Variants in SLC26A8 observed in about 807,000 individuals in gnomAD.
SLC26A8 encodes the protein testis anion transporter 1.
In SLC26A8, 70 loss-of-function variants were observed where a neutral mutation model predicts 105.0. The observed-to-expected ratio is 0.67, with a 90% CI of 0.55 to 0.81. The LOEUF (loss-of-function observed/expected upper bound fraction) is 0.81, where lower values mean the gene tolerates loss of function less well. Ranked by LOEUF, SLC26A8 falls within the 40% of genes least tolerant of loss-of-function variation. SLC26A8 has a pLI of 0.00. For missense variants in SLC26A8, 998 were observed against 1,181.8 expected (o/e 0.84, Z 2.28); for synonymous variants, 415 against 438.3 (o/e 0.95, Z 0.66).
At chr6:35,977,815 T>G (rs1459770611) in intron 8 of SLC26A8, among the ~76,000 whole-genome samples, 1 of 152,130 alleles carries the variant, frequency 6.6e-6, no homozygotes, top group Non-Finnish European at 1.5e-5. Flanking sequence ...CTGGGTGCGG[T>G]GGCTCACGCC....
In SLC26A8 at chr6:35,951,037, C is replaced by G. The variant is rs1275231827; in HGVS notation, c.2472+126G>C. On this transcript the variant is annotated intron_variant, in intron 19 of 19. Coordinates refer to ENST00000490799, the MANE Select transcript of SLC26A8 (RefSeq NM_052961.4). ...ATTCTGGTACAGCCATACTAAATAC[C>G]TTTCCTGGACATTATTCCTCTATCT... is the stretch of plus-strand genomic sequence containing the variant. 4.2e-6 allele frequency: 4 copies of G among 947,308 alleles called. No homozygotes were observed. The African/African-American group carries it at 4.9e-5, about 12-fold the overall frequency. 58.7% of individuals were successfully genotyped at this position (947,308 alleles called of 1,614,324 possible).
chr6:36,004,354 G>A (rs2127361456), intron 3 of SLC26A8, among the ~76,000 whole-genome samples: 1 of 152,204 alleles, frequency 6.6e-6, no homozygotes, highest in South Asian at 2.1e-4. Flanking sequence ...AGGATTATAG[G>A]CATGAGCCAT....
chr6:35,983,255 A>G (rs1164081755), intron 7 of SLC26A8, among the ~76,000 whole-genome samples: 1 of 152,204 alleles, frequency 6.6e-6, no homozygotes, highest in Non-Finnish European at 1.5e-5. Flanking sequence ...CTTGGTTTTT[A>G]TATAATTAAG....
chr6:35,948,418 G>A (rs1488573274), intron 19 of SLC26A8, among the ~76,000 whole-genome samples: 2 of 151,976 alleles, frequency 1.3e-5, no homozygotes, highest in East Asian at 1.9e-4. Context: ...GTGAAACCTC[G>A]TCTCAAATAA....
intron 1 of SLC26A8, among the ~76,000 whole-genome samples, chr6:36,022,831 G>A (rs1000490034): frequency 7.9e-5 from 12 of 151,402 alleles, no homozygotes; most frequent in African/African-American, 2.7e-4. Flanking sequence ...GTACTAGCAG[G>A]ACACTTCCCA....
At position 35,955,602 on chromosome 6, in the gene SLC26A8, T is replaced by C. The variant is rs554925770; in HGVS notation, c.1864-82A>G. 5.0e-4 allele frequency: 765 copies of C among 1,522,698 alleles called. 1 individual carries two copies. The highest frequency in any genetic ancestry group is 1.1e-3 in the South Asian group (87 of 79,534). 94.3% of individuals were successfully genotyped at this position (1,522,698 alleles called of 1,614,324 possible). A position where few individuals can be genotyped will look rare whatever the true frequency, so the allele number is the denominator to read the frequency against. On this transcript the variant is annotated intron_variant, in intron 16 of 19. Coordinates refer to ENST00000490799, the MANE Select transcript of SLC26A8 (RefSeq NM_052961.4). ...ACTTGCAACGATGCTATTTCTTGTC[T>C]CTGCCAGCTCATGTCCCTCTCTCAT...
At chr6:36,019,428 T>G (rs1762072167) in intron 2 of SLC26A8, 92 bp downstream of exon 2, 1 of 1,331,584 alleles carries the variant, frequency 7.5e-7, no homozygotes, top group Non-Finnish European at 1.0e-6. Flanking sequence ...TTACAGGAAC[T>G]CAGACAAGAA....
In SLC26A8 at chr6:35,955,353, A is replaced by G. The variant is rs758016136; in HGVS notation, c.2031T>C (p.Tyr677=). ...GAAGCCAAACTTCCTCCACCTCCTC[A>G]TACTGTTGCCCTTGATTTTTCTGAG... The part of the protein sequence containing the change: ...SVSQKNQGQQ[Y]EEVEEVWLPN... The change falls in exon 17 of 20, where the codon TAT becomes TAC. Residue 677 remains tyrosine, a synonymous_variant. Coordinates refer to ENST00000490799, the MANE Select transcript of SLC26A8 (RefSeq NM_052961.4). 4.9e-5 allele frequency: 79 copies of G among 1,614,080 alleles called. No homozygotes were observed. The highest frequency in any genetic ancestry group is 6.4e-5 in the Non-Finnish European group (76 of 1,180,042).
intron 16 of SLC26A8, among the ~76,000 whole-genome samples, chr6:35,958,646 C>A (rs1772189848): frequency 6.6e-6 from 1 of 152,070 alleles, no homozygotes. Context: ...AACCTATGCT[C>A]CATTAGAATG....
At chr6:35,977,414 T>A in intron 8 of SLC26A8, 63 bp from the exon 9 acceptor site, 1 of 1,510,148 alleles carries the variant, frequency 6.6e-7, no homozygotes, top group Non-Finnish European at 9.0e-7. Flanking sequence ...CCTCCGCCAC[T>A]CTATTCTAAC....
intron 11 of SLC26A8, among the ~76,000 whole-genome samples, chr6:35,967,083 G>A (rs1772547283): frequency 6.6e-6 from 1 of 152,220 alleles, no homozygotes; most frequent in African/African-American, 2.4e-5. Flanking sequence ...GAATTCTGGA[G>A]ATTACCTCTA....
In SLC26A8 at chr6:35,992,814, C is replaced by G. The variant is rs188378609; in HGVS notation, c.628-140G>C. 1,027 of 827,140 alleles carry G rather than the reference C, an allele frequency of 1.2e-3. 3 individuals are homozygous for G. Among genetic ancestry groups the G allele is most frequent in the Non-Finnish European group, 1.3e-3 (699 of 554,978 alleles). The allele number at this position is 827,140 out of a possible 1,614,324, so 51.2% of individuals were successfully genotyped here. On this transcript the variant is annotated intron_variant, in intron 5 of 19. Transcript: ENST00000490799. ...TGGTAACTCTTGTAACTCTCTTTCC[C>G]TAATGAACAGAAGTTGATAACACGG...
intron 11 of SLC26A8, among the ~76,000 whole-genome samples, chr6:35,965,094 T>C (rs1772456284): frequency 6.6e-6 from 1 of 152,112 alleles, no homozygotes; most frequent in Non-Finnish European, 1.5e-5. Flanking sequence ...ATATATTAAA[T>C]AACAAGAATA....
At chr6:35,987,153 G>A (rs1196230259) in intron 7 of SLC26A8, among the ~76,000 whole-genome samples, 4 of 152,192 alleles carry the variant, frequency 2.6e-5, no homozygotes, top group Admixed American at 2.0e-4. Flanking sequence ...TTAGTCTAAA[G>A]TCCCAAGGCA....
At chr6:35,965,933 G>GTGAGC (rs1199587502) in intron 11 of SLC26A8, among the ~76,000 whole-genome samples, 9 of 150,320 alleles carry the variant, frequency 6.0e-5, no homozygotes, top group East Asian at 2.0e-4. Flanking sequence ...AGAGGTTGAA[G>GTGAGC]TGAGCTGAGC....
In SLC26A8 at chr6:35,950,088, C is replaced by T. The variant is rs144088877; in HGVS notation, c.2472+1075G>A. Among the ~76,000 whole-genome samples, 252 of 152,220 alleles carry T rather than the reference C, an allele frequency of 1.7e-3. 5 individuals carry two copies. The South Asian group carries it at 0.024, about 15-fold the overall frequency. On this transcript the variant is annotated intron_variant, in intron 19 of 19. Coordinates refer to ENST00000490799, the MANE Select transcript of SLC26A8 (RefSeq NM_052961.4). ...CTGGGATTACAGGCGTGAGCCATCT[C>T]GCCCGCCCGTTGTACGGTCTTAACT...
chr6:35,948,804 G>T (rs1771762282), intron 19 of SLC26A8, among the ~76,000 whole-genome samples: 1 of 152,162 alleles, frequency 6.6e-6, no homozygotes, highest in Non-Finnish European at 1.5e-5. Flanking sequence ...CATTGTGGTG[G>T]TATTAAGAGG....
At chr6:35,965,590 G>A (rs192220681) in intron 11 of SLC26A8, among the ~76,000 whole-genome samples, 1 of 151,422 alleles carries the variant, frequency 6.6e-6, no homozygotes, top group Non-Finnish European at 1.5e-5. Flanking sequence ...GCTGAGGCAG[G>A]AGAATCGCTT....
At chr6:35,998,297 T>G (rs1443410194) in intron 4 of SLC26A8, among the ~76,000 whole-genome samples, 1 of 152,144 alleles carries the variant, frequency 6.6e-6, no homozygotes, top group East Asian at 1.9e-4. Flanking sequence ...GGCTCACGCC[T>G]GTAATCCTAG....
Sources: allele counts gnomAD v4.1 joint callset (sites outside exome capture counted in the v4.1 genomes callset), GRCh38; gene constraint gnomAD v4.1.1; transcripts MANE v1.5; gene names NCBI Gene and HGNC (gene_info 2026-07-23, HGNC 2026-07-21).